KDM4C: variants seen among roughly 807,000 people sequenced by gnomAD.
The protein encoded by KDM4C is lysine-specific demethylase 4C.
KDM4C carries 81 observed loss-of-function variants against 129.3 expected under a neutral mutation model. The ratio of observed to expected loss-of-function variants is 0.63; its 90% confidence interval spans 0.52 to 0.75. The LOEUF is 0.75. Among genes scored for constraint, KDM4C ranks in the 30% least tolerant of loss-of-function variants. The pLI, the probability that KDM4C is intolerant of heterozygous loss-of-function variation, is 0.00. For synonymous variants in KDM4C, 573 were observed against 456.1 expected (o/e 1.26, Z -3.26); for missense variants, 1,457 against 1,304.0 (o/e 1.12, Z -1.81).
At chr9:6,930,734 T>C (rs1002064805) in intron 8 of KDM4C, among the ~76,000 whole-genome samples, 3 of 140,262 alleles carry the variant, frequency 2.1e-5, no homozygotes, top group Non-Finnish European at 3.2e-5. Context: ...AATATAATAA[T>C]TATATTATTA....
intron 4 of KDM4C, chr9:6,835,032 C>T (rs775860839): frequency 7.4e-6 from 7 of 943,148 alleles, no homozygotes; most frequent in Non-Finnish European, 1.1e-5. Context: ...AGATCCTTAC[C>T]GAGCGTGGCT....
intron 1 of KDM4C, chr9:6,749,088 C>G: frequency 2.2e-6 from 1 of 461,236 alleles, no homozygotes; most frequent in East Asian, 5.1e-5. Flanking sequence ...GGCGCGATCT[C>G]GCCTTCCTGC....
intron 11 of KDM4C, among the ~76,000 whole-genome samples, chr9:6,989,879 A>G (rs1484246986): frequency 6.6e-6 from 1 of 151,512 alleles, no homozygotes; most frequent in East Asian, 1.9e-4. Flanking sequence ...GGCTCAAGGG[A>G]TCCTCCCACC....
rs774756594 is a variant in KDM4C at position 7,128,178 on chromosome 9, A to G, written c.2723A>G (p.Tyr908Cys). The stretch of plus-strand genomic sequence containing the variant: ...ATGGCTGTGACATCGCAGACCTTCT[A>G]TGAGGTCATGTTTGATGATGGCTCC... Reference protein sequence around the residue: ...RVMAVTSQTFYEVMFDDGSFS... With the variant: ...RVMAVTSQTFCEVMFDDGSFS... The change falls in exon 19 of 22, where the codon TAT (tyrosine) becomes TGT (cysteine). Residue 908 changes from tyrosine to cysteine, a missense_variant. Transcript: ENST00000381309. 12 of 1,611,968 alleles carry G rather than the reference A, an allele frequency of 7.4e-6. No individual in the cohort carries two copies. The highest frequency in any genetic ancestry group is 5.0e-5 in the Admixed American group (3 of 59,624).
intron 17 of KDM4C, among the ~76,000 whole-genome samples, chr9:7,086,575 A>T (rs778648680): frequency 1.1e-4 from 17 of 152,152 alleles, no homozygotes; most frequent in South Asian, 4.2e-4. Flanking sequence ...CCCTTAGGTA[A>T]GTGCTGTGCT....
At chr9:7,102,592 G>C (rs1031511652) in intron 17 of KDM4C, among the ~76,000 whole-genome samples, 3 of 152,164 alleles carry the variant, frequency 2.0e-5, no homozygotes, top group Non-Finnish European at 4.4e-5. Context: ...GAATCTAAAA[G>C]ATTAAGTCAC....
intron 6 of KDM4C, 34 bp from the exon 7 acceptor site, chr9:6,887,926 C>T: frequency 8.3e-7 from 1 of 1,200,160 alleles, no homozygotes. Flanking sequence ...TCTTAATCGA[C>T]ACAGTGCCAC....
At chr9:6,948,578 T>C (rs7848624) in intron 8 of KDM4C, among the ~76,000 whole-genome samples, 35,730 of 144,940 alleles carry the variant, frequency 0.25, 4,682 homozygotes, top group South Asian at 0.39. Context: ...GGAAGGTCAG[T>C]AGATAAACAA....
intron 8 of KDM4C, among the ~76,000 whole-genome samples, chr9:6,930,784 C>A (rs1823583690): frequency 6.6e-6 from 1 of 150,526 alleles, no homozygotes; most frequent in Non-Finnish European, 1.5e-5. Context: ...TTCTTTCATA[C>A]CTTTTCAGCA....
chr9:7,021,193 C>A (rs1019848317), intron 15 of KDM4C, among the ~76,000 whole-genome samples: 18 of 150,822 alleles, frequency 1.2e-4, no homozygotes, highest in African/African-American at 3.9e-4. Context: ...GCTCTGTGGC[C>A]CAGGCTGCAG....
At chr9:6,947,631 T>G (rs902522291) in intron 8 of KDM4C, among the ~76,000 whole-genome samples, 4 of 152,164 alleles carry the variant, frequency 2.6e-5, no homozygotes, top group African/African-American at 4.8e-5. Context: ...GAGACCAACT[T>G]AGTTTTCCTC....
chr9:6,955,966 C>T (rs1215147108), intron 8 of KDM4C, among the ~76,000 whole-genome samples: 1 of 152,210 alleles, frequency 6.6e-6, no homozygotes, highest in Admixed American at 6.5e-5. Flanking sequence ...ACCTCTGCCT[C>T]TGCCTCATTT....
chr9:6,721,474 G>A (rs1816953320), intron 1 of KDM4C, among the ~76,000 whole-genome samples: 1 of 151,634 alleles, frequency 6.6e-6, no homozygotes, highest in South Asian at 2.1e-4. Flanking sequence ...AGTAGAGACA[G>A]GGTTTTGCCA....
chr9:7,154,690 C>G (rs1842995484), intron 19 of KDM4C, among the ~76,000 whole-genome samples: 1 of 152,320 alleles, frequency 6.6e-6, no homozygotes, highest in South Asian at 2.1e-4. Context: ...GTACTCCTAT[C>G]AGTCCTTGAA....
rs80253363 is a variant in KDM4C, at chr9:7,141,373, C to G, written c.2781+13137C>G. Among the ~76,000 whole-genome samples, 1,187 of 152,138 alleles carry G rather than the reference C, an allele frequency of 7.8e-3. 17 individuals carry two copies. The highest frequency in any genetic ancestry group is 0.027 in the African/African-American group (1,115 of 41,464). On this transcript the variant is annotated intron_variant, in intron 19 of 21. Transcript: ENST00000381309. ...AAAACAAAACAAAACAGAACAACAA[C>G]AACAACAACATAAGGTGGGTTGGAC...
At chr9:6,744,712 C>T (rs962379585) in intron 1 of KDM4C, among the ~76,000 whole-genome samples, 2 of 152,072 alleles carry the variant, frequency 1.3e-5, no homozygotes. Flanking sequence ...TAATTTCTGC[C>T]AGGTAAGGTT....
intron 20 of KDM4C, 132 bp downstream of exon 20, chr9:7,165,489 A>G: frequency 7.7e-6 from 8 of 1,034,120 alleles, no homozygotes; most frequent in Non-Finnish European, 1.1e-5. Flanking sequence ...CAGGAGGCAA[A>G]GATTCAATGT....
chr9:6,857,004 G>C (rs1030383057), intron 5 of KDM4C, among the ~76,000 whole-genome samples: 1 of 152,020 alleles, frequency 6.6e-6, no homozygotes, highest in Non-Finnish European at 1.5e-5. Flanking sequence ...TGATCCATCC[G>C]CCTCGGCCTC....
Position 6,849,523 on chromosome 9 carries a change from A to C in KDM4C, c.452A>C (p.Asn151Thr). ...TCATTCCAGGGTGTGGATGAATGGAACATAGCTCGCCTCAATACAGTCTTG... is the reference window on the plus strand; with the variant it reads ...TCATTCCAGGGTGTGGATGAATGGACCATAGCTCGCCTCAATACAGTCTTG... ...SIYDEGVDEWNIARLNTVLDV... is the reference protein window; with the variant it reads ...SIYDEGVDEWTIARLNTVLDV... The change falls in exon 5 of 22, where the codon AAC (asparagine) becomes ACC (threonine). Residue 151 changes from asparagine to threonine, a missense_variant. Asn to Thr is a moderately conservative substitution (Grantham distance 65). Coordinates refer to ENST00000381309, the MANE Select transcript of KDM4C (RefSeq NM_015061.6). 1.3e-6 allele frequency: 2 copies of C among 1,593,882 alleles called. No individual in the cohort carries two copies. The highest frequency in any genetic ancestry group is 1.7e-6 in the Non-Finnish European group (2 of 1,165,392).
Sources: allele counts gnomAD v4.1 joint callset (sites outside exome capture counted in the v4.1 genomes callset), GRCh38; gene constraint gnomAD v4.1.1; transcripts MANE v1.5; gene names NCBI Gene and HGNC (gene_info 2026-07-23, HGNC 2026-07-21).